Variants in F13A1 observed in about 807,000 individuals in gnomAD.
F13A1 encodes the protein FSF, A subunit.
F13A1 carries 47 observed loss-of-function variants against 80.1 expected under a neutral mutation model. The observed-to-expected ratio is 0.59, with a 90% CI of 0.46 to 0.75. The LOEUF (loss-of-function observed/expected upper bound fraction) is 0.75. F13A1 is among the 30% of genes least tolerant of loss of function. The pLI is 0.00. For synonymous variants in F13A1, 349 were observed against 344.9 expected, an observed-to-expected ratio of 1.01 and a Z score of -0.13; for missense variants, 817 against 930.4, an observed-to-expected ratio of 0.88 and a Z score of 1.59.
chr6:6,179,056 G>A (rs888043778), intron 11 of F13A1, among the ~76,000 whole-genome samples: 3 of 152,178 alleles, frequency 2.0e-5, no homozygotes, highest in Non-Finnish European at 2.9e-5. Flanking sequence ...AAGAGACAGT[G>A]GTGAAAAAGA....
chr6:6,197,374 T>C, intron 8 of F13A1, 48 bp from the exon 9 acceptor site: 3 of 1,556,310 alleles, frequency 1.9e-6, no homozygotes, highest in Non-Finnish European at 2.7e-6. Context: ...TCACACCCAA[T>C]GCTCCAAGAG....
At chr6:6,180,142 G>T (rs1005352012) in intron 11 of F13A1, among the ~76,000 whole-genome samples, 2 of 152,294 alleles carry the variant, frequency 1.3e-5, no homozygotes, top group African/African-American at 4.8e-5. Flanking sequence ...TTCCAAATAC[G>T]AGAGTTCTCA....
chr6:6,151,572 C>T (rs1760375920), intron 14 of F13A1, among the ~76,000 whole-genome samples: 2 of 152,190 alleles, frequency 1.3e-5, no homozygotes, highest in South Asian at 2.1e-4. Flanking sequence ...AATTCCTCAG[C>T]TACAGAAGGG....
At chr6:6,173,846 T>C (rs1235463532) in intron 12 of F13A1, among the ~76,000 whole-genome samples, 1 of 152,172 alleles carries the variant, frequency 6.6e-6, no homozygotes, top group African/African-American at 2.4e-5. Context: ...TTTAGATCCA[T>C]GCTCCACAAA....
At chr6:6,304,003 A>T (rs1178109498) in intron 3 of F13A1, among the ~76,000 whole-genome samples, 1 of 152,188 alleles carries the variant, frequency 6.6e-6, no homozygotes, top group Non-Finnish European at 1.5e-5. Flanking sequence ...GTATTAGCAA[A>T]TATATAGTTT....
intron 3 of F13A1, among the ~76,000 whole-genome samples, chr6:6,298,309 C>T (rs918531422): frequency 6.8e-6 from 1 of 147,900 alleles, no homozygotes; most frequent in Non-Finnish European, 1.5e-5. Context: ...TCCTTGTTGA[C>T]TTTCTGTCTC....
chr6:6,174,485 T>C, intron 12 of F13A1, 95 bp downstream of exon 12: 2 of 1,404,308 alleles, frequency 1.4e-6, no homozygotes, highest in Non-Finnish European at 2.0e-6. Flanking sequence ...GGAGGGAACT[T>C]TAACTTTGAT....
chr6:6,170,687 A>G (rs1203736522), intron 12 of F13A1, among the ~76,000 whole-genome samples: 1 of 152,146 alleles, frequency 6.6e-6, no homozygotes, highest in African/African-American at 2.4e-5. Flanking sequence ...TAAGTTATTC[A>G]GATCTCCCAA....
At chr6:6,181,801 G>A (rs1195315562) in intron 11 of F13A1, among the ~76,000 whole-genome samples, 187 bp downstream of exon 11, 1 of 152,166 alleles carries the variant, frequency 6.6e-6, no homozygotes, top group Non-Finnish European at 1.5e-5. Context: ...AAGCAAGCTA[G>A]CAAAGAAAAC....
chr6:6,175,768 T>C (rs1760872879), intron 11 of F13A1, among the ~76,000 whole-genome samples: 1 of 152,188 alleles, frequency 6.6e-6, no homozygotes, highest in African/African-American at 2.4e-5. Flanking sequence ...TCTAATGCAG[T>C]TCGAGGTGTG....
chr6:6,198,052 T>G lies in F13A1; in HGVS notation c.1113-726A>C, dbSNP rs151317325. Among the ~76,000 whole-genome samples the G allele has an allele frequency of 2.4e-3, 363 of 152,378 alleles. 1 individual carries two copies. Among genetic ancestry groups the G allele is most frequent in the African/African-American group, 8.0e-3 (334 of 41,592 alleles). On this transcript the variant is annotated intron_variant, in intron 8 of 14. Transcript: ENST00000264870. ...TTCCTATTTAGAAAAAGCATATTCCTTTGTAGCAATTAAGCAAAAAATACT... is the reference window on the plus strand; with the variant it reads ...TTCCTATTTAGAAAAAGCATATTCCGTTGTAGCAATTAAGCAAAAAATACT...
intron 6 of F13A1, among the ~76,000 whole-genome samples, chr6:6,244,315 A>C (rs910368320): frequency 6.6e-6 from 1 of 152,222 alleles, no homozygotes; most frequent in East Asian, 1.9e-4. Flanking sequence ...TAAAGGGAGA[A>C]GTATAACTGT....
chr6:6,280,803 T>C (rs1395543881), intron 3 of F13A1, among the ~76,000 whole-genome samples: 1 of 152,238 alleles, frequency 6.6e-6, no homozygotes, highest in Non-Finnish European at 1.5e-5. Flanking sequence ...AGGTCACTGC[T>C]GAGTACCTCT....
intron 6 of F13A1, among the ~76,000 whole-genome samples, chr6:6,226,430 TATA>T (rs1339264578): frequency 2.6e-5 from 4 of 152,252 alleles, no homozygotes; most frequent in African/African-American, 9.6e-5. Flanking sequence ...AGGTCTGAGT[TATA>T]ATGCAAAGAC....
In F13A1 at chr6:6,266,634, C is replaced by T; in HGVS notation, c.495G>A (p.Trp165Ter). ...TGGTTCGAAGTACGCCATAGGGAGT[C>T]CAGACAGCAACATACATGCGGAATT... is the stretch of plus-strand genomic sequence containing the variant. ...VGKFRMYVAV[W>*]TPYGVLRTSR... The change falls in exon 4 of 15, where the codon TGG becomes TGA. Residue 165 changes from tryptophan (W) to a stop codon, truncating the protein, a stop_gained. Transcript: ENST00000264870. LOFTEE classifies it high-confidence loss of function. 1 of 1,614,198 alleles carries T rather than the reference C, an allele frequency of 6.2e-7. No homozygotes were observed. Among genetic ancestry groups the T allele is most frequent in the Non-Finnish European group, 8.5e-7 (1 of 1,180,034 alleles).
intron 8 of F13A1, among the ~76,000 whole-genome samples, chr6:6,198,220 G>C (rs1221401290): frequency 6.6e-6 from 1 of 152,086 alleles, no homozygotes; most frequent in Admixed American, 6.6e-5. Flanking sequence ...AAAGTGCTAA[G>C]GGTCATGGAA....
chr6:6,260,900 G>A (rs868595336), intron 4 of F13A1, among the ~76,000 whole-genome samples: 1 of 152,182 alleles, frequency 6.6e-6, no homozygotes, highest in African/African-American at 2.4e-5. Flanking sequence ...ACTGGAATTA[G>A]GTTCAGGGTA....
At chr6:6,294,999 G>A (rs1372858957) in intron 3 of F13A1, among the ~76,000 whole-genome samples, 5 of 145,534 alleles carry the variant, frequency 3.4e-5, no homozygotes, top group Admixed American at 3.4e-4. Flanking sequence ...GCGGTGTTTG[G>A]TTTTTTGTTC....
At chr6:6,298,148 G>T (rs9502430) in intron 3 of F13A1, among the ~76,000 whole-genome samples, 9,665 of 145,920 alleles carry the variant, frequency 0.066, 1,050 homozygotes, top group African/African-American at 0.21. Context: ...TACATTTGCT[G>T]AGGAGAGCTT....
Sources: allele counts gnomAD v4.1 joint callset (sites outside exome capture counted in the v4.1 genomes callset), GRCh38; gene constraint gnomAD v4.1.1; transcripts MANE v1.5; gene names NCBI Gene and HGNC (gene_info 2026-07-23, HGNC 2026-07-21).